TNIK: variants seen among roughly 807,000 people sequenced by gnomAD.
TNIK encodes the protein TRAF2 and NCK-interacting protein kinase.
TNIK carries 49 observed loss-of-function variants against 191.3 expected under a neutral mutation model. That is an observed-to-expected ratio of 0.26 (90% CI 0.20 to 0.32). The LOEUF (loss-of-function observed/expected upper bound fraction) is 0.32. Among genes scored for constraint, TNIK ranks in the 10% least tolerant of loss-of-function variants. TNIK has a pLI of 1.00. For missense variants in TNIK, 1,155 were observed against 1,702.3 expected (o/e 0.68, Z 5.66); for synonymous variants, 594 against 600.9 (o/e 0.99, Z 0.17).
chr3:171,222,117 A>C (rs371501867), intron 3 of TNIK, among the ~76,000 whole-genome samples: 6 of 152,296 alleles, frequency 3.9e-5, no homozygotes, highest in African/African-American at 1.4e-4. Context: ...AATTTGCCCA[A>C]GGTCACAATC....
chr3:171,089,482 G>C (rs1009865536), intron 23 of TNIK, among the ~76,000 whole-genome samples: 3 of 152,096 alleles, frequency 2.0e-5, no homozygotes, highest in Admixed American at 6.5e-5. Context: ...TCTTGTATCA[G>C]CAGCACTCTT....
chr3:171,177,195 TA>T, intron 8 of TNIK, 130 bp downstream of exon 8: 1 of 811,964 alleles, frequency 1.2e-6, no homozygotes, highest in Non-Finnish European at 1.8e-6. Context: ...CTCTGCTTTC[TA>T]AATATGCCAG....
intron 2 of TNIK, among the ~76,000 whole-genome samples, chr3:171,282,334 G>GTTTTTTTTTTTTTT (rs201489240): frequency 0.018 from 2,040 of 114,064 alleles, 184 homozygotes; most frequent in Middle Eastern, 0.034. Flanking sequence ...TCTCTTAATG[G>GTTTTTTTTTTTTTT]TTTTTTGTTT....
At position 171,138,256 on chromosome 3, in the gene TNIK, T is replaced by G. The variant is rs941792365; in HGVS notation, c.1543A>C (p.Lys515Gln). Reference protein sequence around the residue: ...HQRQEQRPVEKKPLYHYKEGM... With the variant: ...HQRQEQRPVEQKPLYHYKEGM... ...TCTTTGTAATGGTACAGTGGCTTCT[T>G]CTCCACAGGCCTCTGCTCCTGCCGC... The change falls in exon 15 of 33, where the codon AAG becomes CAG. Residue 515 changes from lysine to glutamine, a missense_variant. Transcript: ENST00000436636. The G allele has an allele frequency of 9.3e-6, 15 of 1,613,528 alleles. No individual in the cohort carries two copies. The highest frequency in any genetic ancestry group is 1.3e-5 in the Non-Finnish European group (15 of 1,179,820).
rs1283494158 is a variant in TNIK, at chr3:171,059,233, T to C, written c.*4648A>G. Among the ~76,000 whole-genome samples the C allele has an allele frequency of 6.6e-6, 1 of 152,192 alleles. No homozygotes were observed. The highest frequency in any genetic ancestry group is 1.5e-5 in the Non-Finnish European group (1 of 68,026). On this transcript the variant is annotated 3_prime_UTR_variant, in exon 33 of 33. Transcript: ENST00000436636. ...TTTATTTTTAACTGTATTTTCTACT[T>C]TTCATCCAAACATTTGTCATCATGG...
intron 2 of TNIK, among the ~76,000 whole-genome samples, chr3:171,248,181 C>A (rs573144956): frequency 1.3e-5 from 2 of 152,230 alleles, no homozygotes; most frequent in Admixed American, 1.3e-4. Flanking sequence ...GGATACCTGT[C>A]CAATGGCTCC....
Position 171,157,645 on chromosome 3 carries a change from C to G in TNIK, c.1036G>C (p.Gly346Arg), listed in dbSNP as rs1439893675. The G allele has an allele frequency of 6.4e-7, 1 of 1,554,830 alleles. No homozygotes were observed. The highest frequency in any genetic ancestry group is 1.4e-5 in the African/African-American group (1 of 73,142). The part of the protein sequence containing the change: ...GEPSSILNLP[G>R]ESTLRRDFLR... ...AAGTCCCTCCGCAGCGTCGACTCCC[C>G]TGGCAGATTCAGGATGGAGCTGTGG... Residue 346 changes from glycine to arginine, a missense_variant, in exon 12 of 33, where the codon GGG becomes CGG. Gly to Arg is a moderately radical substitution (Grantham distance 125). Around this residue, in one of 3 missense-constraint regions of TNIK, gnomAD observed 225 missense variants for 438.9 expected, o/e 0.51. Transcript: ENST00000436636.
intron 2 of TNIK, among the ~76,000 whole-genome samples, chr3:171,300,720 C>G (rs556334167): frequency 6.6e-6 from 1 of 152,246 alleles, no homozygotes; most frequent in East Asian, 1.9e-4. Context: ...AAGTACTGTT[C>G]TTTTTATGAT....
At chr3:171,424,757 A>C (rs908416939) in intron 1 of TNIK, among the ~76,000 whole-genome samples, 13 of 147,910 alleles carry the variant, frequency 8.8e-5, no homozygotes, top group East Asian at 4.1e-4. Flanking sequence ...ACCGCATGTT[A>C]TCACTCATAG....
chr3:171,198,274 A>G (rs1345913701), intron 4 of TNIK, among the ~76,000 whole-genome samples: 1 of 151,474 alleles, frequency 6.6e-6, no homozygotes, highest in African/African-American at 2.4e-5. Flanking sequence ...AAAAAAAAAA[A>G]AGAGAAGCCA....
chr3:171,135,560 C>A (rs1729872448), intron 15 of TNIK, among the ~76,000 whole-genome samples: 1 of 152,232 alleles, frequency 6.6e-6, no homozygotes, highest in Non-Finnish European at 1.5e-5. Context: ...TAGTTGGAAG[C>A]TGGATTATGT....
chr3:171,437,004 C>T (rs112692325), intron 1 of TNIK, among the ~76,000 whole-genome samples: 27 of 152,290 alleles, frequency 1.8e-4, no homozygotes, highest in African/African-American at 4.1e-4. Flanking sequence ...TGTGCCAGTT[C>T]CTCTCTTTTT....
intron 2 of TNIK, among the ~76,000 whole-genome samples, chr3:171,253,379 T>A (rs1453724904): frequency 6.6e-6 from 1 of 152,032 alleles, no homozygotes; most frequent in Non-Finnish European, 1.5e-5. Flanking sequence ...GAAAGGTCTC[T>A]GATTTCAGGC....
chr3:171,143,569 T>G (rs1029473509), intron 12 of TNIK, among the ~76,000 whole-genome samples: 2 of 152,178 alleles, frequency 1.3e-5, no homozygotes, highest in Non-Finnish European at 2.9e-5. Context: ...TTTGTAGAAT[T>G]TTTCCTCCTG....
chr3:171,286,983 A>C (rs1252012438), intron 2 of TNIK, among the ~76,000 whole-genome samples: 1 of 152,218 alleles, frequency 6.6e-6, no homozygotes, highest in Non-Finnish European at 1.5e-5. Flanking sequence ...AAGATGGTTT[A>C]TATGATGCCA....
At chr3:171,448,210 G>C in intron 1 of TNIK, among the ~76,000 whole-genome samples, 1 of 152,046 alleles carries the variant, frequency 6.6e-6, no homozygotes, top group Non-Finnish European at 1.5e-5. Context: ...CTCTTTTGAA[G>C]TGTACAAGTG....
At chr3:171,202,513 T>C (rs1479045062) in intron 4 of TNIK, among the ~76,000 whole-genome samples, 1 of 152,142 alleles carries the variant, frequency 6.6e-6, no homozygotes, top group African/African-American at 2.4e-5. Context: ...AAAAAAGGAA[T>C]CAAAAGGGTT....
chr3:171,242,338 A>G (rs1026418886), intron 2 of TNIK, among the ~76,000 whole-genome samples: 3 of 152,134 alleles, frequency 2.0e-5, no homozygotes, highest in South Asian at 2.1e-4. Flanking sequence ...CTCATTTTCA[A>G]TTGTGAAATA....
intron 2 of TNIK, among the ~76,000 whole-genome samples, chr3:171,233,877 C>T (rs1352861354): frequency 1.3e-5 from 2 of 152,176 alleles, no homozygotes; most frequent in African/African-American, 4.8e-5. Context: ...TCCCCAGCCA[C>T]AGAGTGTATG....
Sources: gnomAD v4.1 joint callset for allele counts (sites outside exome capture counted in the v4.1 genomes callset) on GRCh38, gnomAD v4.1.1 for gene constraint, gnomAD v4.1.1 regional missense constraint, MANE v1.5 for transcripts, NCBI Gene and HGNC (gene_info 2026-07-23, HGNC 2026-07-21) for gene names.